DIAPH2: variants seen among roughly 807,000 people sequenced by gnomAD.
The protein encoded by DIAPH2 is protein diaphanous homolog 2.
In DIAPH2, 35 loss-of-function variants were observed where a neutral mutation model predicts 92.7. The ratio of observed to expected loss-of-function variants is 0.38; its 90% CI spans 0.29 to 0.50. The LOEUF (loss-of-function observed/expected upper bound fraction) is 0.50, where lower values mean the gene tolerates loss of function less well. Among genes scored for constraint, DIAPH2 ranks in the 20% least tolerant of loss-of-function variants. DIAPH2 has a pLI of 0.94. For synonymous variants in DIAPH2, 301 were observed against 280.4 expected (o/e 1.07, Z -0.73); for missense variants, 701 against 819.5 (o/e 0.86, Z 1.77).
At chrX:97,269,679 G>C (rs1229424214) in intron 23 of DIAPH2, among the ~76,000 whole-genome samples, 1 of 110,323 alleles carries the variant, frequency 9.1e-6, no homozygotes, top group Admixed American at 9.7e-5. Context: ...GGTTAGAAAA[G>C]TATATACCAA....
intron 17 of DIAPH2, among the ~76,000 whole-genome samples, chrX:96,982,598 A>T (rs2066004700): frequency 8.9e-6 from 1 of 112,281 alleles, no homozygotes; most frequent in Admixed American, 9.4e-5. Flanking sequence ...TTCTGCTAAC[A>T]GCAGTGATAA....
intron 23 of DIAPH2, among the ~76,000 whole-genome samples, chrX:97,257,417 T>A (rs1166010878): frequency 9.0e-6 from 1 of 111,679 alleles, no homozygotes; most frequent in Non-Finnish European, 1.9e-5. Context: ...AGGGCATGAG[T>A]AACTGAGTTG....
intron 26 of DIAPH2, among the ~76,000 whole-genome samples, chrX:97,574,450 C>A (rs201984791): frequency 1.9e-5 from 2 of 103,137 alleles, no homozygotes; most frequent in African/African-American, 3.5e-5. Flanking sequence ...TTACAGGTAC[C>A]AAAAAAAAAA....
At chrX:97,295,087 T>C (rs2068632403) in intron 23 of DIAPH2, among the ~76,000 whole-genome samples, 2 of 111,639 alleles carry the variant, frequency 1.8e-5, no homozygotes, top group South Asian at 7.5e-4. Context: ...GAACTCAGTA[T>C]ATTTACTAAT....
intron 4 of DIAPH2, among the ~76,000 whole-genome samples, chrX:96,867,783 C>T (rs1261271358): frequency 1.8e-5 from 2 of 111,228 alleles, no homozygotes; most frequent in Non-Finnish European, 3.8e-5. Context: ...CTAATATAAA[C>T]AAGTCATTCC....
intron 26 of DIAPH2, among the ~76,000 whole-genome samples, chrX:97,515,053 T>C (rs769085051): frequency 2.5e-4 from 27 of 109,819 alleles, no homozygotes; most frequent in South Asian, 1.6e-3. Flanking sequence ...TCGAGCTTCC[T>C]GGCTGCTTTG....
chrX:97,575,796 T>C (rs1205636320), intron 26 of DIAPH2, among the ~76,000 whole-genome samples: 1 of 111,454 alleles, frequency 9.0e-6, no homozygotes, highest in East Asian at 2.8e-4. Context: ...AGTTTGGCAA[T>C]TGGATGAGCA....
intron 21 of DIAPH2, among the ~76,000 whole-genome samples, chrX:97,137,948 G>A (rs1274891562): frequency 8.9e-6 from 1 of 111,982 alleles, no homozygotes; most frequent in Non-Finnish European, 1.9e-5. Flanking sequence ...AGAACAGGAC[G>A]GGAATGAGAA....
At chrX:97,008,005 G>C (rs1382466648) in intron 17 of DIAPH2, among the ~76,000 whole-genome samples, 1 of 102,050 alleles carries the variant, frequency 9.8e-6, no homozygotes, top group Non-Finnish European at 2.0e-5. Flanking sequence ...CTCATGATCC[G>C]CCTGCCTTGG....
At chrX:96,754,323 CAT>C (rs1385841404) in intron 3 of DIAPH2, among the ~76,000 whole-genome samples, 1 of 111,834 alleles carries the variant, frequency 8.9e-6, no homozygotes, top group Non-Finnish European at 1.9e-5. Flanking sequence ...ATTCAACAAA[CAT>C]ATATAGCATT....
At chrX:97,201,948 A>G (rs754018733) in intron 22 of DIAPH2, among the ~76,000 whole-genome samples, 95 of 111,891 alleles carry the variant, frequency 8.5e-4, no homozygotes, top group African/African-American at 3.0e-3. Flanking sequence ...AGGGAAGCCC[A>G]TCAGACTAAC....
chrX:97,169,041 A>G (rs967177836), intron 22 of DIAPH2, among the ~76,000 whole-genome samples: 6 of 111,918 alleles, frequency 5.4e-5, no homozygotes, highest in Admixed American at 1.9e-4. Flanking sequence ...GGGTTTCAAC[A>G]TTGGAATTTT....
In DIAPH2 at chrX:96,957,880, C is replaced by T. The variant is rs762403448; in HGVS notation, c.1667C>T (p.Pro556Leu). ...ATTCCAGGTCCTCCTGCAGCACCTC[C>T]ATTGCCAGGTGTAGGGCCGCCTCCA... ...SGIPGPPAAPPLPGVGPPPPP... is the reference protein window; with the variant it reads ...SGIPGPPAAPLLPGVGPPPPP... The change falls in exon 16 of 27, where the codon CCA becomes CTA. Residue 556 changes from proline to leucine, a missense_variant. Transcript: ENST00000324765. 2 of 1,208,857 alleles carry T rather than the reference C, an allele frequency of 1.7e-6. No homozygotes were observed. Among genetic ancestry groups the T allele is most frequent in the African/African-American group, 1.8e-5 (1 of 56,875 alleles).
intron 17 of DIAPH2, among the ~76,000 whole-genome samples, chrX:97,005,752 G>C (rs1163193455): frequency 9.0e-6 from 1 of 110,694 alleles, no homozygotes; most frequent in Non-Finnish European, 1.9e-5. Context: ...TGTTAGCAAG[G>C]ATGGTCTCGA....
chrX:97,396,770 T>A (rs2069708762), intron 25 of DIAPH2, among the ~76,000 whole-genome samples: 1 of 112,202 alleles, frequency 8.9e-6, no homozygotes, highest in South Asian at 3.7e-4. Flanking sequence ...TGTGGTGACA[T>A]ATCCTAATCA....
chrX:96,698,720 T>C (rs1228660354), intron 1 of DIAPH2, among the ~76,000 whole-genome samples: 1 of 91,890 alleles, frequency 1.1e-5, no homozygotes, highest in African/African-American at 3.5e-5. Flanking sequence ...ATTACTAATC[T>C]TAAACTTTTT....
intron 22 of DIAPH2, among the ~76,000 whole-genome samples, chrX:97,169,325 C>T (rs2067435045): frequency 9.0e-6 from 1 of 111,449 alleles, no homozygotes; most frequent in South Asian, 3.8e-4. Context: ...CCTCCTAGGC[C>T]ATTTTAAAGG....
chrX:97,393,912 A>G (rs771441529), intron 25 of DIAPH2, among the ~76,000 whole-genome samples: 10 of 112,056 alleles, frequency 8.9e-5, no homozygotes, highest in Admixed American at 7.6e-4. Context: ...TTCTAGTGTC[A>G]TGATAAAGAA....
At chrX:96,783,306 A>G (rs1363352772) in intron 4 of DIAPH2, among the ~76,000 whole-genome samples, 1 of 112,355 alleles carries the variant, frequency 8.9e-6, no homozygotes, top group Admixed American at 9.5e-5. Context: ...CAAGAGAAAA[A>G]GGCATGTTCT....
Sources: gnomAD v4.1 joint callset for allele counts (sites outside exome capture counted in the v4.1 genomes callset) on GRCh38, gnomAD v4.1.1 for gene constraint, MANE v1.5 for transcripts, NCBI Gene and HGNC (gene_info 2026-07-23, HGNC 2026-07-21) for gene names.